DLG2: variants seen among roughly 807,000 people sequenced by gnomAD.
DLG2 encodes the protein disks large homolog 2.
In DLG2, 45 loss-of-function variants were observed where a neutral mutation model predicts 132.5. That is an observed-to-expected ratio of 0.34 (90% CI 0.27 to 0.44). The LOEUF (loss-of-function observed/expected upper bound fraction) is 0.44, where lower values mean the gene tolerates loss of function less well. Ranked by LOEUF, DLG2 falls within the 20% of genes least tolerant of loss-of-function variation. DLG2 has a pLI of 1.00. For missense variants in DLG2, 1,045 were observed against 1,196.9 expected (o/e 0.87, Z 1.87); for synonymous variants, 424 against 419.6 (o/e 1.01, Z -0.13).
intron 4 of DLG2, among the ~76,000 whole-genome samples, chr11:85,258,999 A>G (rs1480873378): frequency 6.6e-6 from 1 of 152,192 alleles, no homozygotes; most frequent in Non-Finnish European, 1.5e-5. Flanking sequence ...AGTAAGGACC[A>G]TATATTTCAT....
At chr11:84,553,123 T>A (rs2099405199) in intron 6 of DLG2, among the ~76,000 whole-genome samples, 1 of 152,228 alleles carries the variant, frequency 6.6e-6, no homozygotes, top group African/African-American at 2.4e-5. Context: ...CTTGCTCTTT[T>A]TAAGATTCTT....
At chr11:85,143,014 C>G (rs907022279) in intron 5 of DLG2, among the ~76,000 whole-genome samples, 3 of 151,618 alleles carry the variant, frequency 2.0e-5, no homozygotes, top group Non-Finnish European at 1.5e-5. Flanking sequence ...CTATAGTTTT[C>G]TTTTTTGATG....
At chr11:83,802,577 G>A (rs10792693) in intron 17 of DLG2, among the ~76,000 whole-genome samples, 109,595 of 152,020 alleles carry the variant, frequency 0.72, 40,987 homozygotes, top group African/African-American at 0.93. Flanking sequence ...TGGGTTTCAG[G>A]TATTAAAATA....
At chr11:84,264,906 G>A (rs1230314269) in intron 7 of DLG2, among the ~76,000 whole-genome samples, 1 of 152,162 alleles carries the variant, frequency 6.6e-6, no homozygotes, top group African/African-American at 2.4e-5. Flanking sequence ...GTAGAACTTA[G>A]TCAAGTCACT....
At chr11:84,418,749 A>G (rs1026218067) in intron 7 of DLG2, among the ~76,000 whole-genome samples, 8 of 151,990 alleles carry the variant, frequency 5.3e-5, no homozygotes, top group African/African-American at 1.9e-4. Context: ...CCTATTCTCA[A>G]CCTAGAATAA....
intron 3 of DLG2, among the ~76,000 whole-genome samples, chr11:85,589,805 C>T (rs571136591): frequency 1.3e-5 from 2 of 151,960 alleles, no homozygotes; most frequent in Non-Finnish European, 2.9e-5. Flanking sequence ...CAGGTTACAC[C>T]CCTCCCCATC....
chr11:83,644,194 T>C (rs895674915), intron 18 of DLG2, among the ~76,000 whole-genome samples: 3 of 152,198 alleles, frequency 2.0e-5, no homozygotes, highest in African/African-American at 4.8e-5. Flanking sequence ...TATCTGTAAG[T>C]ACTTGCTTAG....
chr11:83,812,728 TGAAG>T (rs2047675938), intron 17 of DLG2, among the ~76,000 whole-genome samples: 1 of 152,160 alleles, frequency 6.6e-6, no homozygotes, highest in African/African-American at 2.4e-5. Flanking sequence ...TTTCTTTCAC[TGAAG>T]GACAGACAAG....
At chr11:85,509,050 T>C (rs1177948917) in intron 3 of DLG2, among the ~76,000 whole-genome samples, 1 of 152,070 alleles carries the variant, frequency 6.6e-6, no homozygotes, top group Admixed American at 6.6e-5. Context: ...GTTTTTATTG[T>C]GAAATGCTGC....
intron 19 of DLG2, among the ~76,000 whole-genome samples, chr11:83,583,141 A>C (rs1485988511): frequency 6.6e-6 from 1 of 152,258 alleles, no homozygotes; most frequent in Non-Finnish European, 1.5e-5. Context: ...TAGTTAAATA[A>C]GAAGAAATAC....
intron 11 of DLG2, among the ~76,000 whole-genome samples, chr11:84,013,702 A>T (rs2095014698): frequency 6.6e-6 from 1 of 151,782 alleles, no homozygotes; most frequent in Non-Finnish European, 1.5e-5. Context: ...CCCCATCTCT[A>T]CTAAAAATAC....
Position 84,663,547 on chromosome 11 carries a change from G to T in DLG2, c.358-128816C>A, listed in dbSNP as rs564695297. 1.4e-3 allele frequency among the ~76,000 whole-genome samples: 206 copies of T among 152,184 alleles called. 1 individual carries two copies. The highest frequency in any genetic ancestry group is 4.8e-3 in the African/African-American group (201 of 41,550). On this transcript the variant is annotated intron_variant, in intron 6 of 27. Transcript: ENST00000376104. ...GTTGAAAAATGCATGAATGAATAGG[G>T]CAGGAACACAGGATATTTATTTACT... is the stretch of plus-strand genomic sequence containing the variant.
chr11:85,143,503 C>T (rs1351172611), intron 5 of DLG2, among the ~76,000 whole-genome samples: 1 of 151,500 alleles, frequency 6.6e-6, no homozygotes, highest in African/African-American at 2.4e-5. Context: ...TTTTCTAGTT[C>T]CTTACAATGT....
chr11:83,561,027 T>C (rs935995478), intron 19 of DLG2, among the ~76,000 whole-genome samples: 5 of 151,922 alleles, frequency 3.3e-5, no homozygotes, highest in Admixed American at 2.6e-4. Context: ...AGAAGGAGAA[T>C]GGGAAGCAGG....
At chr11:85,230,272 A>T (rs575824380) in intron 4 of DLG2, among the ~76,000 whole-genome samples, 2 of 152,092 alleles carry the variant, frequency 1.3e-5, no homozygotes, top group African/African-American at 4.8e-5. Context: ...TAAACAAAGC[A>T]TTCTCACATA....
intron 9 of DLG2, among the ~76,000 whole-genome samples, chr11:84,102,224 T>G (rs2092587594): frequency 6.6e-6 from 1 of 152,190 alleles, no homozygotes; most frequent in Non-Finnish European, 1.5e-5. Context: ...CATTGTGTTA[T>G]TTTGTAGTTG....
chr11:85,022,793 A>C (rs1465569339), intron 6 of DLG2, among the ~76,000 whole-genome samples: 1 of 152,076 alleles, frequency 6.6e-6, no homozygotes, highest in Non-Finnish European at 1.5e-5. Context: ...TCCAATCAAT[A>C]CTTTAATCCA....
At chr11:84,345,448 CTAA>C (rs2098535153) in intron 7 of DLG2, among the ~76,000 whole-genome samples, 1 of 152,146 alleles carries the variant, frequency 6.6e-6, no homozygotes, top group Non-Finnish European at 1.5e-5. Context: ...TCCCAAACTA[CTAA>C]TAATTTTCTA....
chr11:84,645,749 G>A (rs2099674049), intron 6 of DLG2, among the ~76,000 whole-genome samples: 2 of 152,228 alleles, frequency 1.3e-5, no homozygotes, highest in African/African-American at 4.8e-5. Flanking sequence ...TTACAGGCGT[G>A]AGCCACCGCG....
Sources: gnomAD v4.1 joint callset for allele counts (sites outside exome capture counted in the v4.1 genomes callset) on GRCh38, gnomAD v4.1.1 for gene constraint, MANE v1.5 for transcripts, NCBI Gene and HGNC (gene_info 2026-07-23, HGNC 2026-07-21) for gene names.